The following DYNC1H1 variants were observed in gnomAD, a reference collection of about 807,000 sequenced individuals.
DYNC1H1 encodes the protein dynein cytoplasmic 1 heavy chain 1.
A neutral mutation model predicts 527.1 loss-of-function variants in DYNC1H1; 51 were observed. That is an observed-to-expected ratio of 0.10 (90% confidence interval 0.08 to 0.12). The LOEUF is 0.12. Among genes scored for constraint, DYNC1H1 ranks in the 10% least tolerant of loss-of-function variants. The probability of loss-of-function intolerance (pLI) is 1.00; values close to 1 mark genes in which losing one functional copy is unlikely to be tolerated. For missense variants in DYNC1H1, 2,771 were observed against 5,971.8 expected (o/e 0.46, Z 17.66); for synonymous variants, 2,189 against 2,278.8 (o/e 0.96, Z 1.12).
chr14:101,995,550 G>T (rs547645965), intron 15 of DYNC1H1, among the ~76,000 whole-genome samples: 1 of 151,380 alleles, frequency 6.6e-6, no homozygotes, highest in South Asian at 2.1e-4. Flanking sequence ...GGCAGAGCTT[G>T]CAGTGAGCCG....
chr14:102,031,462 T>C (rs1169635414), intron 51 of DYNC1H1, among the ~76,000 whole-genome samples: 3 of 152,168 alleles, frequency 2.0e-5, no homozygotes, highest in African/African-American at 7.2e-5. Context: ...TTCAAACTGC[T>C]GGGCTCAAGC....
intron 43 of DYNC1H1, among the ~76,000 whole-genome samples, chr14:102,025,169 C>T (rs1220388016): frequency 3.3e-5 from 5 of 151,794 alleles, no homozygotes; most frequent in East Asian, 3.9e-4. Context: ...AACCCCGTCT[C>T]GCCGAGGCAG....
chr14:102,041,651 A>C lies in DYNC1H1; in HGVS notation c.12019A>C (p.Met4007Leu). ...CGATCGCCTGTTGGCCATGGCCCAC[A>C]TGTTTGTTTCAACAAACCTTGGGGA... ...RPDRLLAMAHMFVSTNLGESF... is the reference protein window; with the variant it reads ...RPDRLLAMAHLFVSTNLGESF... Residue 4007 changes from methionine to leucine, a missense_variant, in exon 65 of 78, where the codon ATG becomes CTG. Physicochemically the swap from Met to Leu is conservative, Grantham distance 15. Around this residue, in one of 32 missense-constraint regions of DYNC1H1, gnomAD observed 120 missense variants for 161.9 expected, o/e 0.74. Transcript: ENST00000360184. The surrounding 1 kb of genome is among the most constrained non-coding windows in gnomAD (Gnocchi z 4.5). The C allele has an allele frequency of 6.2e-7, 1 of 1,614,148 alleles. No homozygotes were observed. Among genetic ancestry groups the C allele is most frequent in the Non-Finnish European group, 8.5e-7 (1 of 1,180,034 alleles).
chr14:102,034,830 A>T, intron 56 of DYNC1H1: 1 of 340,556 alleles, frequency 2.9e-6, no homozygotes, highest in Non-Finnish European at 5.7e-6. Context: ...GGAGGCTGAG[A>T]CAGGAAAATC....
chr14:101,994,431 GTTCACTAGATACTA>G (rs1250726485), intron 12 of DYNC1H1, 107 bp downstream of exon 12: 1 of 1,520,326 alleles, frequency 6.6e-7, no homozygotes, highest in Non-Finnish European at 9.0e-7. Flanking sequence ...TGTATGTATG[GTTCACTAGATACTA>G]TTTGCTGTTT....
At chr14:102,003,991 C>T (rs564871044) in intron 23 of DYNC1H1, among the ~76,000 whole-genome samples, 1 of 151,418 alleles carries the variant, frequency 6.6e-6, no homozygotes, top group Non-Finnish European at 1.5e-5. Flanking sequence ...CCTGTAATCC[C>T]AGCACTTTGG....
Position 102,006,038 on chromosome 14 carries a change from G to A in DYNC1H1, c.5584G>A (p.Ala1862Thr). ...GTTACAGCAGTTGTCAATTCAAATG[G>A]CAAATGCCAAATTTAACTATGGCTT... ...DVLQQLSIQM[A>T]NAKFNYGFEY... Residue 1862 changes from alanine to threonine, a missense_variant, in exon 27 of 78, where the codon GCA becomes ACA. Physicochemically the swap from Ala to Thr is moderately conservative, Grantham distance 58. Coordinates refer to ENST00000360184, the MANE Select transcript of DYNC1H1 (RefSeq NM_001376.5). 6.2e-7 allele frequency: 1 copy of A among 1,614,206 alleles called. No homozygotes were observed. Among genetic ancestry groups the A allele is most frequent in the Non-Finnish European group, 8.5e-7 (1 of 1,180,038 alleles).
chr14:102,033,962 G>T lies in DYNC1H1; in HGVS notation c.10414-14G>T. ...GGCCTCATCCCTGAGCATCTTGTTC[G>T]GTTTTCCTTTTAGGTAAACCGGAGC... On this transcript the variant is annotated splice_polypyrimidine_tract_variant and intron_variant, in intron 54 of 77. Transcript: ENST00000360184. The surrounding 1 kb of genome is among the most constrained non-coding windows in gnomAD (Gnocchi z 5.6). 1 of 1,613,488 alleles carries T rather than the reference G, an allele frequency of 6.2e-7. No individual in the cohort carries two copies. The highest frequency in any genetic ancestry group is 1.1e-5 in the South Asian group (1 of 90,928).
chr14:102,040,881 C>A, intron 64 of DYNC1H1: 1 of 625,476 alleles, frequency 1.6e-6, no homozygotes, highest in Non-Finnish European at 2.8e-6. Context: ...GTCACTTGAG[C>A]CTGGGAGGTC....
rs2048260088 is a variant in DYNC1H1, at chr14:102,011,669, T to G, written c.6619-206T>G. The stretch of plus-strand genomic sequence containing the variant: ...TGGGAGAGTGAGGAAGGAGAATCAC[T>G]TGAACCTGGGAGGTGGAGCTTGCGG... On this transcript the variant is annotated intron_variant, in intron 32 of 77. Transcript: ENST00000360184. This position sits in a 1 kb window ranked among gnomAD's most constrained non-coding sequence, Gnocchi z 5.3. 1 of 590,642 alleles carries G rather than the reference T, an allele frequency of 1.7e-6. No homozygotes were observed. Among genetic ancestry groups the G allele is most frequent in the Non-Finnish European group, 3.0e-6 (1 of 331,258 alleles). 36.6% of individuals were successfully genotyped at this position (590,642 alleles called of 1,614,324 possible).
rs749940810 is a variant in DYNC1H1, at chr14:101,983,835, G to A, written c.1461+226G>A. Among the ~76,000 whole-genome samples, 12 of 151,972 alleles carry A rather than the reference G, an allele frequency of 7.9e-5. 1 individual carries two copies. Among genetic ancestry groups the A allele is most frequent in the Admixed American group, 1.3e-4 (2 of 15,258 alleles). On this transcript the variant is annotated intron_variant, in intron 7 of 77. Coordinates refer to ENST00000360184, the MANE Select transcript of DYNC1H1 (RefSeq NM_001376.5). The surrounding 1 kb of genome is among the most constrained non-coding windows in gnomAD (Gnocchi z 5.3). ...TGGGATTACAGGTGCCTGCCACCAC[G>A]CCCGGCTAATTGTTTATATTTTGAG...
intron 4 of DYNC1H1, 127 bp downstream of exon 4, chr14:101,980,101 T>A: frequency 6.9e-7 from 1 of 1,444,648 alleles, no homozygotes. Flanking sequence ...CTCTTGGTCC[T>A]GGGACTGTCC....
intron 63 of DYNC1H1, 86 bp downstream of exon 63, chr14:102,040,496 G>A: frequency 1.2e-6 from 2 of 1,612,700 alleles, no homozygotes; most frequent in Non-Finnish European, 1.7e-6. Flanking sequence ...ATAAAACCCA[G>A]AATGTTGTGT....
Position 102,018,444 on chromosome 14 carries a change from T to C in DYNC1H1, c.8178-7T>C. 1.9e-6 allele frequency: 3 copies of C among 1,613,148 alleles called. No homozygotes were observed. Among genetic ancestry groups the C allele is most frequent in the Non-Finnish European group, 2.5e-6 (3 of 1,179,966 alleles). ...GAGGGGCGCTGAGCGGGGCTATCTG[T>C]GCACAGGTTCCTGCGCCACGTGCCT... On this transcript the variant is annotated splice_region_variant and splice_polypyrimidine_tract_variant and intron_variant, in intron 40 of 77. Transcript: ENST00000360184. This position sits in a 1 kb window ranked among gnomAD's most constrained non-coding sequence, Gnocchi z 5.2.
chr14:102,023,753 A>G (rs1275701687), intron 43 of DYNC1H1: 3 of 152,474 alleles, frequency 2.0e-5, no homozygotes, highest in Non-Finnish European at 4.4e-5. Context: ...GGAGTCTGAG[A>G]ATCGCTTGAA....
chr14:102,016,007 C>T lies in DYNC1H1; in HGVS notation c.7394C>T (p.Ala2465Val), dbSNP rs1327313169. The T allele has an allele frequency of 3.7e-6, 6 of 1,613,642 alleles. No individual in the cohort carries two copies. In the Admixed American group the frequency reaches 1.0e-4, roughly 27 times the overall value. Residue 2465 changes from alanine to valine, a missense_variant, in exon 36 of 78, where the codon GCC becomes GTC. By Grantham distance (64) the Ala-to-Val change is moderately conservative. Around this residue, in one of 32 missense-constraint regions of DYNC1H1, gnomAD observed 122 missense variants for 168.4 expected, o/e 0.72. Coordinates refer to ENST00000360184, the MANE Select transcript of DYNC1H1 (RefSeq NM_001376.5). The surrounding 1 kb of genome is among the most constrained non-coding windows in gnomAD (Gnocchi z 7.3). ...LGSLFSMLHQ[A>V]CRNVAQYNAN... ...TCGCTCTTCTCCATGCTGCACCAGG[C>T]CTGCCGCAACGTGGCGCAGTATAAC...
Position 102,020,242 on chromosome 14 carries a change from A to G in DYNC1H1, c.8507+186A>G, listed in dbSNP as rs1272551783. On this transcript the variant is annotated intron_variant, in intron 42 of 77. Transcript: ENST00000360184. This position sits in a 1 kb window ranked among gnomAD's most constrained non-coding sequence, Gnocchi z 4.3. ...CACTGGTCACAGTTGCCCCAGGGTAACAAAGTCACAGTGCGCTGAATGCAC... is the reference window on the plus strand; with the variant it reads ...CACTGGTCACAGTTGCCCCAGGGTAGCAAAGTCACAGTGCGCTGAATGCAC... Among the ~76,000 whole-genome samples the G allele has an allele frequency of 6.6e-6, 1 of 152,202 alleles. No homozygotes were observed. The highest frequency in any genetic ancestry group is 1.5e-5 in the Non-Finnish European group (1 of 68,024).
At position 102,056,132 on chromosome 14, in the gene DYNC1H1, G is replaced by A. The variant is rs2048874838; in HGVS notation, c.*5569G>A. On this transcript the variant is annotated 3_prime_UTR_variant, in exon 78 of 78. Coordinates refer to ENST00000360184, the MANE Select transcript of DYNC1H1 (RefSeq NM_001376.5). ...GGCGCCAGGCCCAAAACCAGGCCTG[G>A]GCCTGCCTGGCCTAAACCTAGTCGT... 6.6e-6 allele frequency: 1 copy of A among 152,160 alleles called. No individual in the cohort carries two copies. Among genetic ancestry groups the A allele is most frequent in the Admixed American group, 6.5e-5 (1 of 15,274 alleles). The allele number at this position is 152,160 out of a possible 1,614,324, so 9.4% of individuals were successfully genotyped here. A position where few individuals can be genotyped will look rare whatever the true frequency, so the allele number is the denominator to read the frequency against.
At chr14:102,048,750 A>G in intron 74 of DYNC1H1, 81 bp downstream of exon 74, 3 of 1,343,082 alleles carry the variant, frequency 2.2e-6, no homozygotes, top group Non-Finnish European at 3.0e-6. Context: ...GCCACACAGC[A>G]CCACGTGCAG....
Sources: gnomAD v4.1 joint callset for allele counts (sites outside exome capture counted in the v4.1 genomes callset) on GRCh38, gnomAD v4.1.1 for gene constraint, gnomAD v4.1.1 regional missense constraint, Gnocchi (gnomAD v3.1) non-coding constraint, MANE v1.5 for transcripts, NCBI Gene and HGNC (gene_info 2026-07-23, HGNC 2026-07-21) for gene names.